Variants in PARD3 observed in about 807,000 individuals in gnomAD.
PARD3 encodes the protein partitioning defective 3 homolog.
PARD3 carries 75 observed loss-of-function variants against 155.4 expected under a neutral mutation model. That is an observed-to-expected ratio of 0.48 (90% CI 0.40 to 0.58). The LOEUF is 0.58. Among genes scored for constraint, PARD3 ranks in the 20% least tolerant of loss-of-function variants. The pLI is 0.00. For missense variants in PARD3, 1,642 were observed against 1,721.7 expected (o/e 0.95, Z 0.82); for synonymous variants, 576 against 610.5 (o/e 0.94, Z 0.83).
At chr10:34,119,062 C>T (rs1946837072) in intron 24 of PARD3, among the ~76,000 whole-genome samples, 1 of 152,142 alleles carries the variant, frequency 6.6e-6, no homozygotes, top group South Asian at 2.1e-4. Flanking sequence ...GGGTTTCTTG[C>T]TTGGTTCCCA....
intron 2 of PARD3, among the ~76,000 whole-genome samples, chr10:34,642,284 C>T (rs990357406): frequency 3.9e-5 from 6 of 152,132 alleles, no homozygotes; most frequent in African/African-American, 9.7e-5. Flanking sequence ...CCAACTACCA[C>T]GTCAAAGGGC....
intron 14 of PARD3, among the ~76,000 whole-genome samples, chr10:34,348,892 G>A (rs746922758): frequency 3.2e-4 from 49 of 152,098 alleles, no homozygotes; most frequent in Non-Finnish European, 5.0e-4. Context: ...AAAATGTATC[G>A]GGCATTTCTT....
chr10:34,158,258 G>A (rs1949109139), intron 22 of PARD3, among the ~76,000 whole-genome samples: 1 of 152,172 alleles, frequency 6.6e-6, no homozygotes, highest in South Asian at 2.1e-4. Flanking sequence ...GAGAGAGAGA[G>A]AAAAGACAAA....
chr10:34,610,166 TA>T (rs901328757), intron 2 of PARD3, among the ~76,000 whole-genome samples: 1 of 152,114 alleles, frequency 6.6e-6, no homozygotes, highest in African/African-American at 2.4e-5. Context: ...CGACTGGAAG[TA>T]ATATTAAATA....
intron 22 of PARD3, among the ~76,000 whole-genome samples, chr10:34,194,868 C>T (rs17461165): frequency 6.2e-4 from 94 of 152,230 alleles, no homozygotes; most frequent in Non-Finnish European, 1.1e-3. Flanking sequence ...AACTATATAG[C>T]TGAGGTGATT....
In PARD3 at chr10:34,359,320, G is replaced by A. The variant is rs770840028; in HGVS notation, c.1897-3C>T. ...TCATTCACCCGAAGCCTTCCATCCT[G>A]GGAAGAAAACAGGTAAAAATAAGTG... On this transcript the variant is annotated splice_polypyrimidine_tract_variant and splice_region_variant and intron_variant, in intron 13 of 24. Transcript: ENST00000374788. 3.1e-6 allele frequency: 5 copies of A among 1,610,310 alleles called. No homozygotes were observed. The South Asian group carries it at 5.5e-5, about 18-fold the overall frequency.
intron 5 of PARD3, among the ~76,000 whole-genome samples, chr10:34,425,823 T>G (rs1052977586): frequency 2.0e-5 from 3 of 152,234 alleles, no homozygotes; most frequent in African/African-American, 7.2e-5. Flanking sequence ...GTCAATACTA[T>G]TTATTCACCC....
intron 1 of PARD3, among the ~76,000 whole-genome samples, chr10:34,723,425 A>T (rs2094641427): frequency 6.6e-6 from 1 of 152,210 alleles, no homozygotes. Context: ...ACACAGAAGC[A>T]AAGTCACTAT....
chr10:34,447,643 A>C (rs1276689317), intron 5 of PARD3, among the ~76,000 whole-genome samples: 2 of 150,426 alleles, frequency 1.3e-5, no homozygotes, highest in Non-Finnish European at 3.0e-5. Context: ...TCTACTAAAA[A>C]TACAAAAAAA....
At chr10:34,799,146 A>G (rs1588811694) in intron 1 of PARD3, among the ~76,000 whole-genome samples, 1 of 152,202 alleles carries the variant, frequency 6.6e-6, no homozygotes, top group East Asian at 1.9e-4. Context: ...GGATCAAGCG[A>G]TTCTCCTGCC....
intron 1 of PARD3, among the ~76,000 whole-genome samples, chr10:34,811,866 C>T (rs1844220950): frequency 1.3e-5 from 2 of 152,188 alleles, no homozygotes; most frequent in Admixed American, 6.5e-5. Flanking sequence ...TCCTCCCATC[C>T]TGCGCCCTCA....
Position 34,384,261 on chromosome 10 carries a change from C to A in PARD3, c.891-7G>T, listed in dbSNP as rs1376470312. 6.2e-7 allele frequency: 1 copy of A among 1,611,834 alleles called. No individual in the cohort carries two copies. Among genetic ancestry groups the A allele is most frequent in the Non-Finnish European group, 8.5e-7 (1 of 1,178,782 alleles). On this transcript the variant is annotated splice_polypyrimidine_tract_variant and splice_region_variant and intron_variant, in intron 7 of 24. Transcript: ENST00000374788. ...TACTAATAACCCCAGGGTTCTGGAA[C>A]ATTAAGAATGCAAATGATTACACAT...
At chr10:34,806,585 C>G (rs1375453717) in intron 1 of PARD3, among the ~76,000 whole-genome samples, 1 of 152,208 alleles carries the variant, frequency 6.6e-6, no homozygotes, top group Admixed American at 6.5e-5. Flanking sequence ...CCCACCTCAG[C>G]TTCCCAAAGC....
intron 12 of PARD3, among the ~76,000 whole-genome samples, chr10:34,363,923 C>T (rs932385746): frequency 6.6e-6 from 1 of 152,188 alleles, no homozygotes; most frequent in African/African-American, 2.4e-5. Context: ...TGCTAAGGAA[C>T]CTGCTGAATG....
chr10:34,249,201 G>A (rs1380526994), intron 22 of PARD3, among the ~76,000 whole-genome samples: 2 of 151,954 alleles, frequency 1.3e-5, no homozygotes, highest in African/African-American at 4.8e-5. Context: ...TTTAACAGTA[G>A]ACATCTCATT....
At chr10:34,507,384 T>C (rs962364552) in intron 3 of PARD3, among the ~76,000 whole-genome samples, 1 of 151,730 alleles carries the variant, frequency 6.6e-6, no homozygotes, top group Non-Finnish European at 1.5e-5. Flanking sequence ...CCAACCTTTG[T>C]TACAGGTCAG....
chr10:34,804,060 G>C (rs897649126), intron 1 of PARD3, among the ~76,000 whole-genome samples: 3 of 143,080 alleles, frequency 2.1e-5, no homozygotes, highest in Non-Finnish European at 4.5e-5. Flanking sequence ...TTGAGATGAA[G>C]TCTCGCTCTA....
At chr10:34,340,335 C>T (rs1346987461) in intron 16 of PARD3, among the ~76,000 whole-genome samples, 1 of 152,196 alleles carries the variant, frequency 6.6e-6, no homozygotes, top group African/African-American at 2.4e-5. Context: ...CTTGCTTTCT[C>T]TGTTGTTGCT....
chr10:34,433,281 G>A (rs759923579), intron 5 of PARD3, among the ~76,000 whole-genome samples: 8 of 152,078 alleles, frequency 5.3e-5, no homozygotes, highest in African/African-American at 9.7e-5. Context: ...TTGAGCCACA[G>A]AAAATACACC....
Sources: gnomAD v4.1 joint callset for allele counts (sites outside exome capture counted in the v4.1 genomes callset) on GRCh38, gnomAD v4.1.1 for gene constraint, MANE v1.5 for transcripts, NCBI Gene and HGNC (gene_info 2026-07-23, HGNC 2026-07-21) for gene names.